EDN3: variants seen among roughly 807,000 people sequenced by gnomAD.
The protein encoded by EDN3 is endothelin 3.
In EDN3, 9 loss-of-function variants were observed where a neutral mutation model predicts 21.4. That is an observed-to-expected ratio of 0.42 (90% confidence interval 0.25 to 0.73). EDN3 has a LOEUF of 0.73. Ranked by LOEUF, EDN3 falls within the 30% of genes least tolerant of loss-of-function variation. EDN3 has a pLI of 0.26. For missense variants in EDN3, 327 were observed against 309.4 expected (o/e 1.06, Z -0.43); for synonymous variants, 133 against 126.2 (o/e 1.05, Z -0.36).
chr20:59,316,614 A>G (rs1990203374), intron 2 of EDN3, among the ~76,000 whole-genome samples: 1 of 152,238 alleles, frequency 6.6e-6, no homozygotes, highest in South Asian at 2.1e-4. Context: ...AGCTTTCCTT[A>G]TTTAAAAACT....
chr20:59,302,445 G>T (rs558369354), intron 2 of EDN3, among the ~76,000 whole-genome samples: 1 of 152,276 alleles, frequency 6.6e-6, no homozygotes, highest in South Asian at 2.1e-4. Context: ...GGTTCGTCCA[G>T]TGGGGAAGTC....
At chr20:59,314,123 G>A (rs1231854054) in intron 2 of EDN3, among the ~76,000 whole-genome samples, 1 of 152,132 alleles carries the variant, frequency 6.6e-6, no homozygotes, top group African/African-American at 2.4e-5. Flanking sequence ...GGAAAGGAGG[G>A]GCATAGCCTG....
At chr20:59,312,380 A>G (rs894987454) in intron 2 of EDN3, among the ~76,000 whole-genome samples, 2 of 152,034 alleles carry the variant, frequency 1.3e-5, no homozygotes, top group Admixed American at 6.6e-5. Flanking sequence ...TTTTTTAGCC[A>G]TAAGTCTTGA....
intron 2 of EDN3, among the ~76,000 whole-genome samples, chr20:59,315,574 C>G (rs1203984086): frequency 6.6e-6 from 1 of 152,216 alleles, no homozygotes; most frequent in Middle Eastern, 3.2e-3. Context: ...AACAACGCCT[C>G]TATCTGTAAA....
Position 59,322,236 on chromosome 20 carries a change from CTG to C in EDN3, c.543-133_543-132del, listed in dbSNP as rs1990591670. The C allele has an allele frequency of 1.1e-6, 1 of 930,148 alleles. No individual in the cohort carries two copies. The highest frequency in any genetic ancestry group is 1.7e-6 in the Non-Finnish European group (1 of 575,068). 57.6% of individuals were successfully genotyped at this position (930,148 alleles called of 1,614,324 possible). ...CCACCGAGTGCTCAGCCTTCAGAAACTGTGCCTGAGACGCAGTCCTTGGGGAA... is the reference window on the plus strand; with the variant it reads ...CCACCGAGTGCTCAGCCTTCAGAAACTGCCTGAGACGCAGTCCTTGGGGAA... On this transcript the variant is annotated intron_variant, in intron 3 of 4. Transcript: ENST00000337938. The surrounding 1 kb of genome is among the most constrained non-coding windows in gnomAD (Gnocchi z 4.1).
Position 59,321,726 on chromosome 20 carries a change from T to C in EDN3, c.542+533T>C, listed in dbSNP as rs1600758421. 2.0e-5 allele frequency among the ~76,000 whole-genome samples: 3 copies of C among 152,280 alleles called. No individual in the cohort carries two copies. In the East Asian group the frequency reaches 5.8e-4, roughly 29 times the overall value. ...TTTGAGTAGGATGTGCAATATCCAT[T>C]TACCTGTTACCAATTTATCTTACTT... On this transcript the variant is annotated intron_variant, in intron 3 of 4. Transcript: ENST00000337938.
At position 59,322,225 on chromosome 20, in the gene EDN3, GC is replaced by G; in HGVS notation, c.543-145del. 1 of 842,030 alleles carries G rather than the reference GC, an allele frequency of 1.2e-6. No individual in the cohort carries two copies. Among genetic ancestry groups the G allele is most frequent in the Non-Finnish European group, 2.0e-6 (1 of 497,418 alleles). The allele number at this position is 842,030 out of a possible 1,614,324, so 52.2% of individuals were successfully genotyped here. A position where few individuals can be genotyped will look rare whatever the true frequency, so the allele number is the denominator to read the frequency against. On this transcript the variant is annotated intron_variant, in intron 3 of 4. Transcript: ENST00000337938. The surrounding 1 kb of genome is among the most constrained non-coding windows in gnomAD (Gnocchi z 4.1). ...TAGAAATCCACCCACCGAGTGCTCA[GC>G]CTTCAGAAACTGTGCCTGAGACGCA...
chr20:59,302,521 G>C (rs932773552), intron 2 of EDN3, among the ~76,000 whole-genome samples: 1 of 152,112 alleles, frequency 6.6e-6, no homozygotes, highest in Non-Finnish European at 1.5e-5. Context: ...ATGACTCCCA[G>C]TGTTCAGGGA....
Position 59,301,575 on chromosome 20 carries a change from G to A in EDN3, c.218G>A (p.Gly73Asp), listed in dbSNP as rs376041123. ...EGTVAPTALQGPSPGSPGQEQ... is the reference protein window; with the variant it reads ...EGTVAPTALQDPSPGSPGQEQ... ...ACTGTGGCCCCGACAGCACTGCAGG[G>A]TCCAAGCCCTGGAAGCCCTGGGCAG... Residue 73 changes from glycine (G) to aspartate (D), a missense_variant, in exon 2 of 5, where the codon GGT (glycine) becomes GAT (aspartate). Coordinates refer to ENST00000337938, the MANE Select transcript of EDN3 (RefSeq NM_207034.3). 2 of 1,613,586 alleles carry A rather than the reference G, an allele frequency of 1.2e-6. No individual in the cohort carries two copies. Among genetic ancestry groups the A allele is most frequent in the African/African-American group, 2.7e-5 (2 of 74,824 alleles).
intron 2 of EDN3, among the ~76,000 whole-genome samples, chr20:59,317,112 G>A (rs1004432718): frequency 2.0e-5 from 3 of 152,206 alleles, no homozygotes. Flanking sequence ...ATGGTCCACC[G>A]TTAGGTCTTT....
In EDN3 at chr20:59,324,424, T is replaced by C; in HGVS notation, c.682T>C (p.Cys228Arg). 6.2e-7 allele frequency: 1 copy of C among 1,614,124 alleles called. No individual in the cohort carries two copies. Among genetic ancestry groups the C allele is most frequent in the Non-Finnish European group, 8.5e-7 (1 of 1,180,024 alleles). Residue 228 changes from cysteine to arginine, a missense_variant, in exon 5 of 5, where the codon TGC (cysteine) becomes CGC (arginine). Cys to Arg is a radical substitution (Grantham distance 180). Coordinates refer to ENST00000337938, the MANE Select transcript of EDN3 (RefSeq NM_207034.3). ...TGGACTCGCCCTCGCTCCATCTACCTGCCCCCGCTGCCTCTTTCAGGAAGG... is the reference window on the plus strand; with the variant it reads ...TGGACTCGCCCTCGCTCCATCTACCCGCCCCCGCTGCCTCTTTCAGGAAGG... ...GSGLALAPST[C>R]PRCLFQEGAP
rs772369425 is a variant in EDN3 at position 59,321,065 on chromosome 20, C to T, written c.414C>T (p.Gly138=). ...CCAACTACAGAGGAAGCTTCCGGGG[C>T]AAGAGGTCTGCGGGGCCACTTCCAG... The part of the protein sequence containing the change: ...GLSNYRGSFR[G]KRSAGPLPGN... Residue 138 remains glycine, a synonymous_variant, in exon 3 of 5, where the codon GGC becomes GGT. Transcript: ENST00000337938. 34 of 1,614,112 alleles carry T rather than the reference C, an allele frequency of 2.1e-5. No homozygotes were observed. In the East Asian group the frequency reaches 6.5e-4, roughly 31 times the overall value.
chr20:59,306,864 G>A (rs1989466651), intron 2 of EDN3, among the ~76,000 whole-genome samples: 1 of 152,106 alleles, frequency 6.6e-6, no homozygotes, highest in Non-Finnish European at 1.5e-5. Context: ...GTCACCCTGG[G>A]CCAGGCGCGG....
At position 59,325,357 on chromosome 20, in the gene EDN3, T is replaced by C. The variant is rs1201946561; in HGVS notation, c.*898T>C. 1.3e-5 allele frequency: 2 copies of C among 152,604 alleles called. No individual in the cohort carries two copies. The highest frequency in any genetic ancestry group is 2.9e-5 in the Non-Finnish European group (2 of 68,030). 9.5% of individuals were successfully genotyped at this position (152,604 alleles called of 1,614,324 possible). A position where few individuals can be genotyped will look rare whatever the true frequency, so the allele number is the denominator to read the frequency against. Reference sequence around the variant, plus strand: ...TTATGTAAATTCCTGTTTATATAAATTGGCAACAACTTATACCGTCTGACA... The same window carrying C: ...TTATGTAAATTCCTGTTTATATAAACTGGCAACAACTTATACCGTCTGACA... On this transcript the variant is annotated 3_prime_UTR_variant, in exon 5 of 5. Transcript: ENST00000337938.
In EDN3 at chr20:59,322,553, C is replaced by A; in HGVS notation, c.588+136C>A. 1 of 1,198,154 alleles carries A rather than the reference C, an allele frequency of 8.3e-7. No individual in the cohort carries two copies. The highest frequency in any genetic ancestry group is 1.2e-6 in the Non-Finnish European group (1 of 818,500). The allele number at this position is 1,198,154 out of a possible 1,614,324, so 74.2% of individuals were successfully genotyped here. A position where few individuals can be genotyped will look rare whatever the true frequency, so the allele number is the denominator to read the frequency against. On this transcript the variant is annotated intron_variant, in intron 4 of 4. Transcript: ENST00000337938. The surrounding 1 kb of genome is among the most constrained non-coding windows in gnomAD (Gnocchi z 4.1). ...TGGGAACCCCAGATCTCATGGGATGCTGCACCCACAAGCAATGGTGCCTTT... is the reference window on the plus strand; with the variant it reads ...TGGGAACCCCAGATCTCATGGGATGATGCACCCACAAGCAATGGTGCCTTT...
rs3026578 is a variant in EDN3 at position 59,322,971 on chromosome 20, T to C, written c.588+554T>C. Among the ~76,000 whole-genome samples, 231 of 152,328 alleles carry C rather than the reference T, an allele frequency of 1.5e-3. 2 individuals carry two copies. Among genetic ancestry groups the C allele is most frequent in the African/African-American group, 5.3e-3 (222 of 41,572 alleles). On this transcript the variant is annotated intron_variant, in intron 4 of 4. Coordinates refer to ENST00000337938, the MANE Select transcript of EDN3 (RefSeq NM_207034.3). This position sits in a 1 kb window ranked among gnomAD's most constrained non-coding sequence, Gnocchi z 4.1. Reference sequence around the variant, plus strand: ...CTTGTCTTTTTTGTATGAGAGATCCTGAGGGTTTCCTGCAGTCAAACTGGG... The same window carrying C: ...CTTGTCTTTTTTGTATGAGAGATCCCGAGGGTTTCCTGCAGTCAAACTGGG...
chr20:59,321,326 G>A, intron 3 of EDN3, 133 bp downstream of exon 3: 1 of 1,089,206 alleles, frequency 9.2e-7, no homozygotes, highest in Non-Finnish European at 1.4e-6. Flanking sequence ...CTGTGGGCCA[G>A]AGAAAGGAGG....
At chr20:59,307,677 G>T (rs1190968872) in intron 2 of EDN3, among the ~76,000 whole-genome samples, 1 of 152,082 alleles carries the variant, frequency 6.6e-6, no homozygotes, top group Non-Finnish European at 1.5e-5. Flanking sequence ...ACTGATTAAG[G>T]GTGGTTTTGT....
chr20:59,311,135 C>T (rs541547975), intron 2 of EDN3, among the ~76,000 whole-genome samples: 22 of 152,258 alleles, frequency 1.4e-4, no homozygotes, highest in African/African-American at 2.9e-4. Flanking sequence ...ACCTCACCTG[C>T]CTCACCCTAA....
Sources: allele counts gnomAD v4.1 joint callset (sites outside exome capture counted in the v4.1 genomes callset), GRCh38; gene constraint gnomAD v4.1.1; non-coding constraint Gnocchi (gnomAD v3.1); transcripts MANE v1.5; gene names NCBI Gene and HGNC (gene_info 2026-07-23, HGNC 2026-07-21).